The following SUMF1 variants were observed in gnomAD, a reference collection of about 807,000 sequenced individuals.
SUMF1 encodes the protein sulfatase modifying factor 1, also known as formylglycine-generating enzyme.
In SUMF1, 48 loss-of-function variants were observed where a neutral mutation model predicts 47.6. The observed-to-expected ratio is 1.01, with a 90% CI of 0.80 to 1.28. SUMF1 has a LOEUF of 1.28. Ranked by LOEUF, SUMF1 falls within the 50% of genes most tolerant of loss-of-function variation. The pLI, the probability that SUMF1 is intolerant of heterozygous loss-of-function variation, is 0.00. For synonymous variants in SUMF1, 230 were observed against 192.1 expected (o/e 1.20, Z -1.63); for missense variants, 571 against 485.4 (o/e 1.18, Z -1.66).
At chr3:4,314,374 A>T (rs1698551729) in intron 8 of SUMF1, 1 of 152,758 alleles carries the variant, frequency 6.5e-6, no homozygotes, top group African/African-American at 2.4e-5. Context: ...TTTAACAGTA[A>T]TAAAGCTGAC....
At chr3:4,250,489 A>G (rs1040314315) in intron 8 of SUMF1, among the ~76,000 whole-genome samples, 1 of 152,156 alleles carries the variant, frequency 6.6e-6, no homozygotes, top group African/African-American at 2.4e-5. Flanking sequence ...TAGCCAAGAT[A>G]ATTCATAAAG....
chr3:4,303,232 G>A (rs1698017141), intron 8 of SUMF1: 6 of 902,952 alleles, frequency 6.6e-6, no homozygotes, highest in Non-Finnish European at 4.7e-6. Flanking sequence ...GTCAAGGAAG[G>A]GAAGCGCCTT....
intron 8 of SUMF1, among the ~76,000 whole-genome samples, chr3:4,314,966 A>G (rs774634763): frequency 5.3e-5 from 8 of 152,220 alleles, no homozygotes; most frequent in Non-Finnish European, 8.8e-5. Context: ...AGTACATTGT[A>G]CACTTTAAAT....
chr3:4,053,442 T>C (rs1424467480), intron 9 of SUMF1, among the ~76,000 whole-genome samples: 2 of 152,182 alleles, frequency 1.3e-5, no homozygotes, highest in African/African-American at 4.8e-5. Context: ...TGCTGTTGGA[T>C]AAATGGCACC....
chr3:4,271,886 T>C (rs1011269651), intron 8 of SUMF1, among the ~76,000 whole-genome samples: 1 of 152,206 alleles, frequency 6.6e-6, no homozygotes, highest in Non-Finnish European at 1.5e-5. Context: ...GGAATTCTGC[T>C]TCTCTTAGAG....
intron 8 of SUMF1, among the ~76,000 whole-genome samples, chr3:4,311,737 C>T (rs1698413481): frequency 6.6e-6 from 1 of 152,158 alleles, no homozygotes; most frequent in Non-Finnish European, 1.5e-5. Flanking sequence ...GTTCTATTTC[C>T]CTTTCACCTT....
chr3:4,144,926 G>A (rs1428676490), intron 8 of SUMF1, among the ~76,000 whole-genome samples: 2 of 152,020 alleles, frequency 1.3e-5, no homozygotes. Flanking sequence ...TCGGCAGGGC[G>A]CGGTGGCTCA....
chr3:4,270,809 T>G (rs1015298152), intron 8 of SUMF1, among the ~76,000 whole-genome samples: 2 of 152,206 alleles, frequency 1.3e-5, no homozygotes, highest in Non-Finnish European at 2.9e-5. Flanking sequence ...AAGGGAATGG[T>G]TATTTGGTTT....
At chr3:4,366,249 T>A (rs190865798) in intron 8 of SUMF1, among the ~76,000 whole-genome samples, 1 of 152,112 alleles carries the variant, frequency 6.6e-6, no homozygotes, top group African/African-American at 2.4e-5. Flanking sequence ...ATTTCCTGAA[T>A]CTGAATGTTG....
intron 3 of SUMF1, among the ~76,000 whole-genome samples, chr3:4,441,568 C>T (rs143738457): frequency 1.3e-5 from 2 of 152,224 alleles, no homozygotes; most frequent in African/African-American, 2.4e-5. Context: ...TAATATCCCC[C>T]CAAAAAACAA....
intron 9 of SUMF1, among the ~76,000 whole-genome samples, chr3:4,041,268 C>G (rs1308903555): frequency 3.3e-5 from 5 of 152,148 alleles, no homozygotes; most frequent in Non-Finnish European, 7.4e-5. Context: ...GATAGGCTTT[C>G]ACCATGTTGG....
intron 8 of SUMF1, among the ~76,000 whole-genome samples, chr3:4,169,978 A>T (rs367597498): frequency 9.2e-5 from 14 of 152,194 alleles, no homozygotes; most frequent in African/African-American, 3.4e-4. Context: ...GATTTTCAAT[A>T]AGAATGAGAC....
intron 1 of SUMF1, among the ~76,000 whole-genome samples, chr3:4,454,069 C>A (rs1312056202): frequency 6.6e-6 from 1 of 152,188 alleles, no homozygotes; most frequent in Non-Finnish European, 1.5e-5. Flanking sequence ...TAAATAACCA[C>A]TGCATGAATT....
intron 8 of SUMF1, among the ~76,000 whole-genome samples, chr3:4,310,114 A>G (rs990788853): frequency 6.6e-6 from 1 of 152,218 alleles, no homozygotes; most frequent in African/African-American, 2.4e-5. Flanking sequence ...CAGCAAAAAT[A>G]CTGTATTCTA....
intron 8 of SUMF1, among the ~76,000 whole-genome samples, chr3:4,115,595 G>T (rs1287848606): frequency 1.3e-5 from 2 of 151,972 alleles, no homozygotes; most frequent in African/African-American, 2.4e-5. Context: ...TCCTCCGACG[G>T]GTTTGGGCGA....
At chr3:4,212,797 G>A (rs1695828509) in intron 8 of SUMF1, among the ~76,000 whole-genome samples, 1 of 152,100 alleles carries the variant, frequency 6.6e-6, no homozygotes, top group Non-Finnish European at 1.5e-5. Flanking sequence ...TGATCAAGTG[G>A]AAGAAAGGAT....
intron 8 of SUMF1, among the ~76,000 whole-genome samples, chr3:4,245,238 T>G (rs1426229397): frequency 6.6e-6 from 1 of 152,180 alleles, no homozygotes; most frequent in African/African-American, 2.4e-5. Flanking sequence ...AGCCTACTTC[T>G]GTCAACTCAA....
chr3:4,446,234 T>C (rs1702776111), intron 3 of SUMF1, among the ~76,000 whole-genome samples: 1 of 152,212 alleles, frequency 6.6e-6, no homozygotes, highest in African/African-American at 2.4e-5. Context: ...TGGGAGGGAC[T>C]CAGTGGGAGG....
At chr3:4,410,376 T>C (rs1295810196) in intron 7 of SUMF1, among the ~76,000 whole-genome samples, 1 of 152,212 alleles carries the variant, frequency 6.6e-6, no homozygotes, top group African/African-American at 2.4e-5. Flanking sequence ...CAGGAATTAA[T>C]CACTAAATGA....
Sources: allele counts gnomAD v4.1 joint callset (sites outside exome capture counted in the v4.1 genomes callset), GRCh38; gene constraint gnomAD v4.1.1; transcripts MANE v1.5; gene names NCBI Gene and HGNC (gene_info 2026-07-23, HGNC 2026-07-21).